NRXN2: variants seen among roughly 807,000 people sequenced by gnomAD.
NRXN2 encodes neurexin 2, also known as neurexin-2-beta.
In NRXN2, 29 loss-of-function variants were observed where a neutral mutation model predicts 128.8. The ratio of observed to expected loss-of-function variants is 0.23; its 90% CI spans 0.17 to 0.31. The LOEUF (loss-of-function observed/expected upper bound fraction) is 0.31, where lower values mean the gene tolerates loss of function less well. NRXN2 is among the 10% of genes least tolerant of loss of function. The pLI, the probability that NRXN2 is intolerant of heterozygous loss-of-function variation, is 1.00. For synonymous variants in NRXN2, 1,098 were observed against 1,075.2 expected (o/e 1.02, Z -0.41); for missense variants, 1,881 against 2,452.6 (o/e 0.77, Z 4.92).
rs557030538 is a variant in NRXN2 at position 64,697,656 on chromosome 11, TC to T, written c.748+118del. ...CAAGGGAGGACCCCAGACATCCTTC[TC>T]CGGAGAGGCCCTAAACATGGCAGGA... On this transcript the variant is annotated intron_variant, in intron 3 of 22. Transcript: ENST00000265459. 1,281 of 1,184,246 alleles carry T rather than the reference TC, an allele frequency of 1.1e-3. 2 individuals carry two copies. The highest frequency in any genetic ancestry group is 1.5e-3 in the Non-Finnish European group (1,211 of 803,542). 73.4% of individuals were successfully genotyped at this position (1,184,246 alleles called of 1,614,324 possible). A position where few individuals can be genotyped will look rare whatever the true frequency, so the allele number is the denominator to read the frequency against.
intron 17 of NRXN2, among the ~76,000 whole-genome samples, chr11:64,639,729 A>T (rs955580395): frequency 6.6e-5 from 10 of 151,920 alleles, no homozygotes; most frequent in African/African-American, 2.4e-4. Flanking sequence ...GTGTGAAGAG[A>T]AGAGAGGAGA....
intron 6 of NRXN2, 85 bp from the exon 7 acceptor site, chr11:64,677,122 G>A: frequency 4.2e-6 from 4 of 956,292 alleles, no homozygotes; most frequent in South Asian, 1.5e-5. Flanking sequence ...AGAATGAAAA[G>A]AAAAGAAAAA....
chr11:64,704,527 A>C (rs2055944577), intron 2 of NRXN2, among the ~76,000 whole-genome samples: 2 of 151,894 alleles, frequency 1.3e-5, no homozygotes, highest in South Asian at 4.2e-4. Flanking sequence ...GGCCCTAGCC[A>C]GAGTCCACCT....
At chr11:64,647,552 T>C (rs1017679056) in intron 17 of NRXN2, among the ~76,000 whole-genome samples, 4 of 152,046 alleles carry the variant, frequency 2.6e-5, no homozygotes, top group Admixed American at 2.6e-4. Context: ...GAATGCAAGT[T>C]GGCAATCAGA....
rs182986850 is a variant in NRXN2 at position 64,653,207 on chromosome 11, C to T, written c.2416+489G>A. ...CCCATTTGGCAGAAACTCACCCCAG[C>T]TAACACAGGAGCTGAAGAGGGCTCC... On this transcript the variant is annotated intron_variant, in intron 12 of 22. Transcript: ENST00000265459. Among the ~76,000 whole-genome samples the T allele has an allele frequency of 1.7e-3, 259 of 152,284 alleles. 3 individuals are homozygous for T. The highest frequency in any genetic ancestry group is 6.0e-3 in the African/African-American group (248 of 41,544).
intron 17 of NRXN2, chr11:64,642,424 G>A (rs1333005485): frequency 1.8e-5 from 25 of 1,397,864 alleles, no homozygotes; most frequent in Non-Finnish European, 2.2e-5. Flanking sequence ...AAAGCAGAGG[G>A]GCCAGGCTCG....
Position 64,697,806 on chromosome 11 carries a change from G to A in NRXN2, c.731-14C>T, listed in dbSNP as rs2054776246. 6.2e-7 allele frequency: 1 copy of A among 1,613,764 alleles called. No homozygotes were observed. The highest frequency in any genetic ancestry group is 1.3e-5 in the African/African-American group (1 of 75,028). ...TGGGGTGCTCCTCTGCAGCCAGCGA[G>A]GTTCGGAGAAGACGGAGGCAGAGAG... On this transcript the variant is annotated splice_polypyrimidine_tract_variant and intron_variant, in intron 2 of 22. Transcript: ENST00000265459.
chr11:64,677,050 T>C lies in NRXN2; in HGVS notation c.1153-13A>G. On this transcript the variant is annotated splice_polypyrimidine_tract_variant and intron_variant, in intron 6 of 22. Coordinates refer to ENST00000265459, the MANE Select transcript of NRXN2 (RefSeq NM_015080.4). Reference sequence around the variant, plus strand: ...CAATCCCTGCGTGCTTCACCGGAGATATGGGGGGATGGGGAGGAGGGGGGT... The same window carrying C: ...CAATCCCTGCGTGCTTCACCGGAGACATGGGGGGATGGGGAGGAGGGGGGT... The C allele has an allele frequency of 2.4e-6, 3 of 1,238,456 alleles. No individual in the cohort carries two copies. The highest frequency in any genetic ancestry group is 1.2e-5 in the South Asian group (1 of 80,456). 76.7% of individuals were successfully genotyped at this position (1,238,456 alleles called of 1,614,324 possible).
intron 17 of NRXN2, among the ~76,000 whole-genome samples, chr11:64,638,134 A>ACGCGTC (rs1194795269): frequency 2.0e-5 from 3 of 152,120 alleles, no homozygotes; most frequent in Non-Finnish European, 4.4e-5. Context: ...GACAGGGCGC[A>ACGCGTC]CGCGTCCCCG....
rs754240562 is a variant in NRXN2, at chr11:64,690,454, C to T, written c.801G>A (p.Glu267=). 67 of 1,613,592 alleles carry T rather than the reference C, an allele frequency of 4.2e-5. No individual in the cohort carries two copies. Among genetic ancestry groups the T allele is most frequent in the South Asian group, 2.9e-4 (26 of 90,944 alleles). The change falls in exon 5 of 23, where the codon GAG becomes GAA. Residue 267 remains glutamate, a synonymous_variant. Transcript: ENST00000265459. The part of the protein sequence containing the change: ...NSEVGSLLFS[E]GGAGRGGAGD... ...CGGCTCCTCCTCTCCCGGCCCCCCC[C>T]TCGGAGAACAGTAAGGACCCTACTG... is the stretch of plus-strand genomic sequence containing the variant.
chr11:64,702,971 T>TAAAAAAAAAAAAAAAAAAAAAAA (rs557268486), intron 2 of NRXN2, among the ~76,000 whole-genome samples: 2 of 51,124 alleles, frequency 3.9e-5, no homozygotes, highest in African/African-American at 7.7e-5. Flanking sequence ...CCCAGGTCTC[T>TAAAAAAAAAAAAAAAAAAAAAAA]AAAAAAAAAA....
intron 17 of NRXN2, among the ~76,000 whole-genome samples, chr11:64,646,994 A>G (rs1317362982): frequency 6.6e-6 from 1 of 152,062 alleles, no homozygotes; most frequent in African/African-American, 2.4e-5. Context: ...TCAAAGGGGA[A>G]AGAAAAACTA....
At chr11:64,695,664 G>A (rs1309757475) in intron 3 of NRXN2, among the ~76,000 whole-genome samples, 1 of 151,988 alleles carries the variant, frequency 6.6e-6, no homozygotes, top group East Asian at 1.9e-4. Flanking sequence ...ACACAAGCAG[G>A]CACACAGACA....
In NRXN2 at chr11:64,606,495, C is replaced by G. The variant is rs1218337698; in HGVS notation, c.*701G>C. On this transcript the variant is annotated 3_prime_UTR_variant, in exon 23 of 23. Coordinates refer to ENST00000265459, the MANE Select transcript of NRXN2 (RefSeq NM_015080.4). ...AGCTTCCCCATCAATGCACGTCGCCCGGCGGCACACACAGAACAGGCCTTC... is the reference window on the plus strand; with the variant it reads ...AGCTTCCCCATCAATGCACGTCGCCGGGCGGCACACACAGAACAGGCCTTC... 1 of 144,344 alleles carries G rather than the reference C, an allele frequency of 6.9e-6. No homozygotes were observed. The highest frequency in any genetic ancestry group is 2.5e-5 in the African/African-American group (1 of 39,314). The allele number at this position is 144,344 out of a possible 1,614,324, so 8.9% of individuals were successfully genotyped here.
rs1341102188 is a variant in NRXN2 at position 64,607,992 on chromosome 11, G to C, written c.4343C>G (p.Thr1448Ser). The change falls in exon 23 of 23, where the codon ACC becomes AGC. Residue 1448 changes from threonine (T) to serine (S), a missense_variant. By Grantham distance (58) the Thr-to-Ser change is moderately conservative (BLOSUM62 1). Transcript: ENST00000265459. ...CACTCCCGTGAGGAAGGGGTAGAAGGTAGGGGGCGGGGGCACGAAGGGGGA... is the reference window on the plus strand; with the variant it reads ...CACTCCCGTGAGGAAGGGGTAGAAGCTAGGGGGCGGGGGCACGAAGGGGGA... ...TRSPFVPPPP[T>S]FYPFLTGVGA... 1.3e-6 allele frequency: 2 copies of C among 1,484,986 alleles called. No homozygotes were observed. The highest frequency in any genetic ancestry group is 9.1e-7 in the Non-Finnish European group (1 of 1,098,134). 92.0% of individuals were successfully genotyped at this position (1,484,986 alleles called of 1,614,324 possible). A position where few individuals can be genotyped will look rare whatever the true frequency, so the allele number is the denominator to read the frequency against.
At position 64,622,652 on chromosome 11, in the gene NRXN2, C is replaced by A. The variant is rs1325258963; in HGVS notation, c.4173+101G>T. 3 of 1,489,498 alleles carry A rather than the reference C, an allele frequency of 2.0e-6. No homozygotes were observed. Among genetic ancestry groups the A allele is most frequent in the East Asian group, 4.6e-5 (2 of 43,750 alleles). The allele number at this position is 1,489,498 out of a possible 1,614,324, so 92.3% of individuals were successfully genotyped here. A position where few individuals can be genotyped will look rare whatever the true frequency, so the allele number is the denominator to read the frequency against. ...GCAGCCTTCAGGATCCCAACAGACC[C>A]CTTGGACCCTCACTCTAGGCACCAC... On this transcript the variant is annotated intron_variant, in intron 21 of 22. Transcript: ENST00000265459. This position sits in a 1 kb window ranked among gnomAD's most constrained non-coding sequence, Gnocchi z 4.3.
rs753117214 is a variant in NRXN2, at chr11:64,648,384, CCT to C, written c.3284-48_3284-47del. The stretch of plus-strand genomic sequence containing the variant: ...GAACACCCCTGGCTCAGCCAAGCCC[CCT>C]CTTTCCCCAGGAGGTGTGGAAGCTT... On this transcript the variant is annotated intron_variant, in intron 16 of 22. Coordinates refer to ENST00000265459, the MANE Select transcript of NRXN2 (RefSeq NM_015080.4). This position sits in a 1 kb window ranked among gnomAD's most constrained non-coding sequence, Gnocchi z 4.1. The C allele has an allele frequency of 1.9e-6, 3 of 1,613,490 alleles. No individual in the cohort carries two copies. The highest frequency in any genetic ancestry group is 2.2e-5 in the East Asian group (1 of 44,882).
chr11:64,721,780 C>T (rs934004752), intron 1 of NRXN2, among the ~76,000 whole-genome samples: 2 of 152,070 alleles, frequency 1.3e-5, no homozygotes, highest in Admixed American at 1.3e-4. Flanking sequence ...AGAGGAGAGA[C>T]GCCCACCCGC....
In NRXN2 at chr11:64,630,060, T is replaced by C. The variant is rs1377319910; in HGVS notation, c.3757+342A>G. Among the ~76,000 whole-genome samples the C allele has an allele frequency of 6.6e-6, 1 of 151,996 alleles. No homozygotes were observed. Among genetic ancestry groups the C allele is most frequent in the African/African-American group, 2.4e-5 (1 of 41,362 alleles). On this transcript the variant is annotated intron_variant, in intron 19 of 22. Coordinates refer to ENST00000265459, the MANE Select transcript of NRXN2 (RefSeq NM_015080.4). The surrounding 1 kb of genome is among the most constrained non-coding windows in gnomAD (Gnocchi z 4.6). ...ATTTCTGAACTCAACCTTTCCGCAA[T>C]CGCATCAGATTCTCCTCACCTCTAC...
Sources: allele counts gnomAD v4.1 joint callset (sites outside exome capture counted in the v4.1 genomes callset), GRCh38; gene constraint gnomAD v4.1.1; non-coding constraint Gnocchi (gnomAD v3.1); transcripts MANE v1.5; gene names NCBI Gene and HGNC (gene_info 2026-07-23, HGNC 2026-07-21).